The following NAAA variants were observed in gnomAD, a reference collection of about 807,000 sequenced individuals.
The protein encoded by NAAA is N-acylethanolamine acid amidase.
A neutral mutation model predicts 44.8 loss-of-function variants in NAAA; 39 were observed. The ratio of observed to expected loss-of-function variants is 0.87; its 90% confidence interval spans 0.67 to 1.14. The LOEUF (loss-of-function observed/expected upper bound fraction) is 1.14, where lower values mean the gene tolerates loss of function less well. NAAA is among the 50% of genes most tolerant of loss of function. The pLI is 0.00. For missense variants in NAAA, 460 were observed against 467.8 expected (o/e 0.98, Z 0.15); for synonymous variants, 178 against 191.3 (o/e 0.93, Z 0.58).
chr4:75,921,217 A>G (rs1476528415), intron 5 of NAAA, 94 bp from the exon 6 acceptor site: 1 of 1,138,634 alleles, frequency 8.8e-7, no homozygotes, highest in Non-Finnish European at 1.2e-6. Flanking sequence ...TTCTCCTGAT[A>G]TGTTATGTCA....
At chr4:75,928,521 T>C (rs1283013611) in intron 4 of NAAA, among the ~76,000 whole-genome samples, 1 of 152,024 alleles carries the variant, frequency 6.6e-6, no homozygotes, top group African/African-American at 2.4e-5. Flanking sequence ...AGGGACAGAT[T>C]TGAGTAGAGG....
chr4:75,929,474 A>G (rs766564447), intron 4 of NAAA, among the ~76,000 whole-genome samples: 1 of 152,198 alleles, frequency 6.6e-6, no homozygotes, highest in Non-Finnish European at 1.5e-5. Context: ...CATTAAATGC[A>G]TATGTTGTAG....
At position 75,925,728 on chromosome 4, in the gene NAAA, T is replaced by A; in HGVS notation, c.666+7A>T. On this transcript the variant is annotated splice_region_variant and intron_variant, in intron 5 of 10. Transcript: ENST00000286733. ...GTTAAGGAGGGCTCCACATTAAATA[T>A]ACTCACAGCGCGGATCAGCCAGCTG... 6.2e-7 allele frequency: 1 copy of A among 1,614,082 alleles called. No individual in the cohort carries two copies. Among genetic ancestry groups the A allele is most frequent in the African/African-American group, 1.3e-5 (1 of 75,054 alleles).
chr4:75,929,811 C>G (rs182816395), intron 4 of NAAA, among the ~76,000 whole-genome samples: 4 of 152,236 alleles, frequency 2.6e-5, no homozygotes, highest in Admixed American at 2.6e-4. Flanking sequence ...TAACACTGGC[C>G]GGGCATGGTG....
chr4:75,937,910 C>T (rs1313560626), intron 2 of NAAA, among the ~76,000 whole-genome samples: 1 of 152,188 alleles, frequency 6.6e-6, no homozygotes, highest in African/African-American at 2.4e-5. Flanking sequence ...TCAAAATTGG[C>T]AAGATAACAA....
intron 3 of NAAA, among the ~76,000 whole-genome samples, chr4:75,934,701 T>G (rs1448858821): frequency 1.3e-5 from 2 of 152,164 alleles, no homozygotes; most frequent in African/African-American, 2.4e-5. Context: ...TGTTCTTAAT[T>G]TCATAAAACA....
intron 8 of NAAA, chr4:75,919,574 G>A: frequency 2.6e-6 from 1 of 379,006 alleles, no homozygotes; most frequent in East Asian, 4.9e-5. Context: ...CGCCTTCCGG[G>A]TACACGCCAT....
At chr4:75,932,647 T>A (rs1727334218) in intron 3 of NAAA, among the ~76,000 whole-genome samples, 1 of 151,862 alleles carries the variant, frequency 6.6e-6, no homozygotes, top group Non-Finnish European at 1.5e-5. Context: ...CAAACCTGAC[T>A]GATATATAAA....
chr4:75,914,844 C>T, intron 10 of NAAA, 24 bp downstream of exon 10: 2 of 1,572,174 alleles, frequency 1.3e-6, no homozygotes, highest in Non-Finnish European at 1.7e-6. Flanking sequence ...CTCACCCCCT[C>T]TCCACAAAAC....
intron 5 of NAAA, 61 bp from the exon 6 acceptor site, chr4:75,921,184 A>T (rs1726134298): frequency 4.8e-6 from 7 of 1,453,778 alleles, no homozygotes; most frequent in Admixed American, 2.4e-5. Flanking sequence ...ACACCAGATG[A>T]TGCAAAAATG....
chr4:75,926,203 T>C (rs1250439599), intron 4 of NAAA, among the ~76,000 whole-genome samples: 3 of 152,108 alleles, frequency 2.0e-5, no homozygotes, highest in Admixed American at 1.3e-4. Flanking sequence ...GGCTAAGTAA[T>C]GGCAATATAA....
intron 9 of NAAA, among the ~76,000 whole-genome samples, chr4:75,917,989 T>TCCC (rs1725789823): frequency 6.6e-6 from 1 of 152,066 alleles, no homozygotes; most frequent in African/African-American, 2.4e-5. Context: ...TATTCAGAAT[T>TCCC]TATTTCTAAG....
rs200426632 is a variant in NAAA at position 75,921,055 on chromosome 4, A to T, written c.735T>A (p.Asp245Glu). ...ACGTGCCACCAACAATGTAATAAACATCAGCAATAAGGGGAGTCTTGGCCA... is the reference window on the plus strand; with the variant it reads ...ACGTGCCACCAACAATGTAATAAACTTCAGCAATAAGGGGAGTCTTGGCCA... The part of the protein sequence containing the change: ...GKLAKTPLIA[D>E]VYYIVGGTSP... The change falls in exon 6 of 11, where the codon GAT becomes GAA. Residue 245 changes from aspartate (D) to glutamate (E), a missense_variant. Asp to Glu is a conservative substitution (Grantham distance 45, BLOSUM62 2). Transcript: ENST00000286733. 83 of 1,605,556 alleles carry T rather than the reference A, an allele frequency of 5.2e-5. No individual in the cohort carries two copies. The African/African-American group carries it at 1.1e-3, about 21-fold the overall frequency.
At chr4:75,921,384 G>A (rs1023332291) in intron 5 of NAAA, among the ~76,000 whole-genome samples, 15 of 152,146 alleles carry the variant, frequency 9.9e-5, no homozygotes, top group Admixed American at 9.2e-4. Flanking sequence ...AGCAAACACC[G>A]GCTGTGTGCT....
At chr4:75,912,467 T>C (rs542897594), downstream of NAAA, among the ~76,000 whole-genome samples, 16 of 150,314 alleles carry the variant, frequency 1.1e-4, no homozygotes, top group Non-Finnish European at 1.8e-4. Context: ...GGCAGTAGAA[T>C]CGCTTGAACC....
At position 75,925,760 on chromosome 4, in the gene NAAA, A is replaced by T; in HGVS notation, c.641T>A (p.Ile214Asn). The T allele has an allele frequency of 6.2e-7, 1 of 1,614,220 alleles. No individual in the cohort carries two copies. Among genetic ancestry groups the T allele is most frequent in the Non-Finnish European group, 8.5e-7 (1 of 1,180,044 alleles). Residue 214 changes from isoleucine (I) to asparagine (N), a missense_variant, in exon 5 of 11, where the codon ATT becomes AAT. Ile to Asn is a moderately radical substitution (Grantham distance 149, BLOSUM62 -3). Transcript: ENST00000286733. ...NAIAALFRRH[I>N]PVSWLIRATL... Reference sequence around the variant, plus strand: ...AGCGCGGATCAGCCAGCTGACGGGAATGTGTCTCCGAAACAGGGCAGCGAT... The same window carrying T: ...AGCGCGGATCAGCCAGCTGACGGGATTGTGTCTCCGAAACAGGGCAGCGAT...
chr4:75,911,354 C>T (rs1440135183), downstream of NAAA: 5 of 502,058 alleles, frequency 1.0e-5, no homozygotes, highest in South Asian at 7.7e-5. Context: ...TTCTTGCTCA[C>T]TGCACAGACA....
intron 9 of NAAA, among the ~76,000 whole-genome samples, chr4:75,916,811 G>C (rs1468394114): frequency 8.9e-6 from 1 of 112,404 alleles, no homozygotes; most frequent in Admixed American, 1.3e-4. Flanking sequence ...TTTTTAAGAC[G>C]GAGTCTCCCT....
chr4:75,936,100 G>T lies in NAAA; in HGVS notation c.498+9C>A. 6.2e-7 allele frequency: 1 copy of T among 1,613,626 alleles called. No individual in the cohort carries two copies. The highest frequency in any genetic ancestry group is 1.1e-5 in the South Asian group (1 of 91,008). On this transcript the variant is annotated intron_variant, in intron 3 of 10. Coordinates refer to ENST00000286733, the MANE Select transcript of NAAA (RefSeq NM_014435.4). Reference sequence around the variant, plus strand: ...TCTGATTTTTTATCTTATATGGTACGGATTATACCTGCCCATTCTTTAAGA... The same window carrying T: ...TCTGATTTTTTATCTTATATGGTACTGATTATACCTGCCCATTCTTTAAGA...
Sources: gnomAD v4.1 joint callset for allele counts (sites outside exome capture counted in the v4.1 genomes callset) on GRCh38, gnomAD v4.1.1 for gene constraint, MANE v1.5 for transcripts, NCBI Gene and HGNC (gene_info 2026-07-23, HGNC 2026-07-21) for gene names.